NUP98: variants seen among roughly 807,000 people sequenced by gnomAD.
NUP98 encodes nucleoporin 98 and 96 precursor.
NUP98 carries 26 observed loss-of-function variants against 191.9 expected under a neutral mutation model. The ratio of observed to expected loss-of-function variants is 0.14; its 90% CI spans 0.10 to 0.19. The LOEUF (loss-of-function observed/expected upper bound fraction) is 0.19, where lower values mean the gene tolerates loss of function less well. Ranked by LOEUF, NUP98 falls within the 10% of genes least tolerant of loss-of-function variation. NUP98 has a pLI of 1.00. For missense variants in NUP98, 1,941 were observed against 2,178.8 expected, an observed-to-expected ratio of 0.89 and a Z score of 2.17; for synonymous variants, 808 against 778.4, an observed-to-expected ratio of 1.04 and a Z score of -0.63.
At chr11:3,750,032 A>G (rs2134420341) in intron 11 of NUP98, among the ~76,000 whole-genome samples, 1 of 152,352 alleles carries the variant, frequency 6.6e-6, no homozygotes, top group East Asian at 1.9e-4. Context: ...ATGTTCACTG[A>G]GGGTTTTGCC....
chr11:3,717,932 T>G (rs1445733068), intron 18 of NUP98, among the ~76,000 whole-genome samples: 2 of 152,230 alleles, frequency 1.3e-5, no homozygotes, highest in Non-Finnish European at 2.9e-5. Flanking sequence ...ATAAATCTTT[T>G]GGCCATGATG....
chr11:3,789,436 T>G (rs1420809985), intron 1 of NUP98, among the ~76,000 whole-genome samples: 1 of 151,262 alleles, frequency 6.6e-6, no homozygotes, highest in Non-Finnish European at 1.5e-5. Flanking sequence ...CTTCCATCTA[T>G]CTCACATCTC....
At chr11:3,794,528 T>C (rs1341244185) in intron 1 of NUP98, among the ~76,000 whole-genome samples, 1 of 152,158 alleles carries the variant, frequency 6.6e-6, no homozygotes, top group African/African-American at 2.4e-5. Flanking sequence ...GGTTTCACCA[T>C]GTTGCCCAGG....
intron 12 of NUP98, among the ~76,000 whole-genome samples, chr11:3,740,820 A>G (rs1564869516): frequency 6.7e-6 from 1 of 149,790 alleles, no homozygotes; most frequent in Non-Finnish European, 1.5e-5. Context: ...ATATATATAT[A>G]TATATTTTTT....
intron 13 of NUP98, among the ~76,000 whole-genome samples, chr11:3,734,417 G>A (rs1478947888): frequency 6.6e-6 from 1 of 152,170 alleles, no homozygotes; most frequent in African/African-American, 2.4e-5. Flanking sequence ...CTGAATAGTA[G>A]TTTCTGTATA....
At chr11:3,750,405 G>A (rs1397677578) in intron 11 of NUP98, among the ~76,000 whole-genome samples, 2 of 152,074 alleles carry the variant, frequency 1.3e-5, no homozygotes, top group African/African-American at 4.8e-5. Flanking sequence ...TCTAAATAGC[G>A]TTTTTCAAAA....
chr11:3,796,526 T>C (rs982564960), intron 1 of NUP98, among the ~76,000 whole-genome samples: 1 of 152,226 alleles, frequency 6.6e-6, no homozygotes, highest in Non-Finnish European at 1.5e-5. Flanking sequence ...TAACGAAGCT[T>C]CCACCTTACC....
At chr11:3,779,945 T>C (rs909627316) in intron 2 of NUP98, among the ~76,000 whole-genome samples, 25 of 151,668 alleles carry the variant, frequency 1.6e-4, no homozygotes, top group African/African-American at 5.1e-4. Context: ...CTAACCAACA[T>C]GGTGAAATCC....
At chr11:3,795,574 A>G (rs1013759305) in intron 1 of NUP98, among the ~76,000 whole-genome samples, 3 of 152,196 alleles carry the variant, frequency 2.0e-5, no homozygotes, top group Admixed American at 6.6e-5. Context: ...TAACTCCTCC[A>G]TATTTGTCTA....
intron 28 of NUP98, among the ~76,000 whole-genome samples, chr11:3,689,376 A>C (rs2078234851): frequency 6.6e-6 from 1 of 151,956 alleles, no homozygotes; most frequent in African/African-American, 2.4e-5. Flanking sequence ...AATACAAAAA[A>C]ATTAGCTGGG....
intron 12 of NUP98, among the ~76,000 whole-genome samples, chr11:3,735,941 CA>C (rs762180835): frequency 3.9e-5 from 6 of 151,912 alleles, no homozygotes; most frequent in East Asian, 1.9e-4. Flanking sequence ...CACACACACA[CA>C]CCCAGGCTGG....
At chr11:3,769,229 A>T (rs1428671612) in intron 7 of NUP98, among the ~76,000 whole-genome samples, 1 of 152,204 alleles carries the variant, frequency 6.6e-6, no homozygotes, top group East Asian at 1.9e-4. Flanking sequence ...GTTCCTGAAC[A>T]GCCTAGGCAA....
intron 1 of NUP98, among the ~76,000 whole-genome samples, chr11:3,785,655 T>G (rs745431860): frequency 1.1e-4 from 17 of 151,998 alleles, no homozygotes; most frequent in Non-Finnish European, 2.5e-4. Flanking sequence ...GCTACTCGGG[T>G]GGCTAAGGCA....
chr11:3,780,911 C>T (rs955258406), intron 2 of NUP98, among the ~76,000 whole-genome samples: 1 of 151,928 alleles, frequency 6.6e-6, no homozygotes, highest in African/African-American at 2.4e-5. Flanking sequence ...GAAACCCCAT[C>T]CCTATTAAAA....
intron 7 of NUP98, among the ~76,000 whole-genome samples, chr11:3,769,233 T>C (rs1016703041): frequency 2.6e-5 from 4 of 152,152 alleles, no homozygotes; most frequent in African/African-American, 9.7e-5. Context: ...CTGAACAGCC[T>C]AGGCAACACA....
At chr11:3,722,804 C>CT (rs2079453820) in intron 16 of NUP98, among the ~76,000 whole-genome samples, 1 of 152,122 alleles carries the variant, frequency 6.6e-6, no homozygotes, top group Admixed American at 6.5e-5. Context: ...CAGAGCGACA[C>CT]TGTCTCAAGA....
intron 12 of NUP98, among the ~76,000 whole-genome samples, chr11:3,738,109 C>G (rs2080143699): frequency 8.3e-6 from 1 of 120,204 alleles, no homozygotes; most frequent in South Asian, 2.4e-4. Context: ...AAAAAAAAAC[C>G]AAAGACTTCC....
intron 7 of NUP98, among the ~76,000 whole-genome samples, chr11:3,770,500 AAAAG>A (rs1338511446): frequency 6.6e-6 from 1 of 151,926 alleles, no homozygotes; most frequent in Non-Finnish European, 1.5e-5. Context: ...AAAAGAAAAG[AAAAG>A]AAAAGAAAAA....
chr11:3,691,024 A>C (rs1263584607), intron 28 of NUP98, among the ~76,000 whole-genome samples: 1 of 152,212 alleles, frequency 6.6e-6, no homozygotes, highest in African/African-American at 2.4e-5. Context: ...ACTGATTGCA[A>C]AGGGGCACAC....
Sources: gnomAD v4.1 joint callset for allele counts (sites outside exome capture counted in the v4.1 genomes callset) on GRCh38, gnomAD v4.1.1 for gene constraint, MANE v1.5 for transcripts, NCBI Gene and HGNC (gene_info 2026-07-23, HGNC 2026-07-21) for gene names.